Variants in STOX1 observed in about 807,000 individuals in gnomAD.
The protein encoded by STOX1 is storkhead-box protein 1.
A neutral mutation model predicts 74.8 loss-of-function variants in STOX1; 57 were observed. That is an observed-to-expected ratio of 0.76 (90% CI 0.62 to 0.95). The LOEUF is 0.95. STOX1 is among the 40% of genes least tolerant of loss of function. The probability of loss-of-function intolerance (pLI) is 0.00; values close to 1 mark genes in which losing one functional copy is unlikely to be tolerated. For synonymous variants in STOX1, 375 were observed against 401.3 expected (o/e 0.93, Z 0.78); for missense variants, 1,010 against 1,117.0 (o/e 0.90, Z 1.37).
chr10:68,855,753 G>GA (rs71474448), intron 1 of STOX1, among the ~76,000 whole-genome samples: 6,770 of 143,178 alleles, frequency 0.047, 227 homozygotes, highest in African/African-American at 0.087. Context: ...CTAAAAAAAG[G>GA]AAAAAAAAAA....
intron 3 of STOX1, among the ~76,000 whole-genome samples, chr10:68,887,687 G>A (rs1169809050): frequency 5.3e-5 from 8 of 150,714 alleles, no homozygotes; most frequent in East Asian, 1.9e-4. Context: ...TCCGCCTCCC[G>A]GGTTCAAGCA....
At chr10:68,873,463 G>C (rs1055704959) in intron 1 of STOX1, among the ~76,000 whole-genome samples, 2 of 149,414 alleles carry the variant, frequency 1.3e-5, no homozygotes, top group African/African-American at 4.9e-5. Context: ...GGGTTTCACC[G>C]TGTTAGCCAG....
chr10:68,829,196 C>T (rs923207168), intron 1 of STOX1, among the ~76,000 whole-genome samples: 1 of 152,224 alleles, frequency 6.6e-6, no homozygotes, highest in African/African-American at 2.4e-5. Flanking sequence ...TTTGTTTGGC[C>T]AGGCGCGGTG....
intron 1 of STOX1, among the ~76,000 whole-genome samples, chr10:68,843,626 T>C (rs1839751321): frequency 6.6e-6 from 1 of 152,040 alleles, no homozygotes; most frequent in Non-Finnish European, 1.5e-5. Context: ...CTGCAACCTC[T>C]GCCTCCCTGC....
At chr10:68,879,062 T>A (rs940208425) in intron 1 of STOX1, among the ~76,000 whole-genome samples, 1 of 152,136 alleles carries the variant, frequency 6.6e-6, no homozygotes, top group Non-Finnish European at 1.5e-5. Context: ...GTTAGCAAGA[T>A]CTACTGGTGA....
chr10:68,827,728 G>GGTGTTCCGCGCTTTCCGTCGCGCC lies in STOX1; in HGVS notation c.106_129dup (p.Val36_Ala43dup). On this transcript the variant is annotated inframe_insertion, in exon 1 of 4. Coordinates refer to ENST00000298596, the MANE Select transcript of STOX1 (RefSeq NM_152709.5). ...CCGCGGAGGAGCCTGGTGGGCGCGC[G>GGTGTTCCGCGCTTTCCGTCGCGCC]GTGTTCCGCGCTTTCCGTCGCGCCA... 1 of 859,300 alleles carries GGTGTTCCGCGCTTTCCGTCGCGCC rather than the reference G, an allele frequency of 1.2e-6. No individual in the cohort carries two copies. The allele number at this position is 859,300 out of a possible 1,614,324, so 53.2% of individuals were successfully genotyped here.
At chr10:68,840,413 C>T (rs1474760869) in intron 1 of STOX1, among the ~76,000 whole-genome samples, 2 of 152,036 alleles carry the variant, frequency 1.3e-5, no homozygotes, top group African/African-American at 4.8e-5. Context: ...GGGTTATGAG[C>T]CTGGCTAATT....
At position 68,884,908 on chromosome 10, in the gene STOX1, T is replaced by C; in HGVS notation, c.1112T>C (p.Val371Ala). ...IIKRINPILT[V>A]DNLIKHTVLM... ...AAACGAATTAACCCCATTTTGACTG[T>C]TGACAATTTAATCAAACACACTGTC... Residue 371 changes from valine to alanine, a missense_variant, in exon 3 of 4, where the codon GTT (valine) becomes GCT (alanine). Transcript: ENST00000298596. 3 of 1,614,100 alleles carry C rather than the reference T, an allele frequency of 1.9e-6. No homozygotes were observed. Among genetic ancestry groups the C allele is most frequent in the Admixed American group, 1.7e-5 (1 of 59,986 alleles).
At chr10:68,828,168 T>G (rs866057147) in intron 1 of STOX1, 5 of 618,126 alleles carry the variant, frequency 8.1e-6, no homozygotes, top group South Asian at 8.0e-5. Context: ...CGGCGGGGGG[T>G]GCTGCTGGTG....
chr10:68,851,398 ATATAAT>A lies in STOX1; in HGVS notation c.310+23469_310+23474del, dbSNP rs1302861536. The stretch of plus-strand genomic sequence containing the variant: ...TAATTGTGTTTTAATTCACTTTCTA[ATATAAT>A]TATGATCCAATTGTGGTAGTAAAAA... On this transcript the variant is annotated intron_variant, in intron 1 of 3. Coordinates refer to ENST00000298596, the MANE Select transcript of STOX1 (RefSeq NM_152709.5). Among the ~76,000 whole-genome samples the A allele has an allele frequency of 5.3e-5, 8 of 152,230 alleles. 1 individual carries two copies. The South Asian group carries it at 8.3e-4, about 16-fold the overall frequency.
chr10:68,852,286 C>T (rs1358236184), intron 1 of STOX1, among the ~76,000 whole-genome samples: 2 of 124,296 alleles, frequency 1.6e-5, no homozygotes, highest in East Asian at 2.6e-4. Context: ...GAGTCTCGCT[C>T]TGTCGCCCAG....
In STOX1 at chr10:68,886,456, G is replaced by A; in HGVS notation, c.2660G>A (p.Ser887Asn). The change falls in exon 3 of 4, where the codon AGT becomes AAT. Residue 887 changes from serine to asparagine, a missense_variant. Transcript: ENST00000298596. ...TGKKPASWSQ[S>N]PQNQEMRKHF... Reference sequence around the variant, plus strand: ...AAGAAGCCAGCTAGCTGGAGTCAGAGTCCTCAGAATCAGGAAATGAGAAAA... The same window carrying A: ...AAGAAGCCAGCTAGCTGGAGTCAGAATCCTCAGAATCAGGAAATGAGAAAA... 1 of 1,614,150 alleles carries A rather than the reference G, an allele frequency of 6.2e-7. No individual in the cohort carries two copies. Among genetic ancestry groups the A allele is most frequent in the Non-Finnish European group, 8.5e-7 (1 of 1,180,038 alleles).
At position 68,884,353 on chromosome 10, in the gene STOX1, T is replaced by G. The variant is rs778194886; in HGVS notation, c.557T>G (p.Ile186Arg). The G allele has an allele frequency of 7.4e-6, 12 of 1,614,032 alleles. No homozygotes were observed. Among genetic ancestry groups the G allele is most frequent in the Non-Finnish European group, 1.0e-5 (12 of 1,179,994 alleles). Residue 186 changes from isoleucine (I) to arginine (R), a missense_variant, in exon 3 of 4, where the codon ATA (isoleucine) becomes AGA (arginine). Ile to Arg is a moderately conservative substitution (Grantham distance 97). Coordinates refer to ENST00000298596, the MANE Select transcript of STOX1 (RefSeq NM_152709.5). Reference protein sequence around the residue: ...KIYHTGEGYFIVTPQTYFITN... With the variant: ...KIYHTGEGYFRVTPQTYFITN... ...TATCACACTGGAGAAGGATACTTCA[T>G]AGTTACTCCTCAGACTTACTTCATT... is the stretch of plus-strand genomic sequence containing the variant.
intron 1 of STOX1, chr10:68,828,313 T>C (rs1255704490): frequency 1.8e-6 from 2 of 1,133,456 alleles, no homozygotes; most frequent in Non-Finnish European, 2.2e-6. Flanking sequence ...GCGCCAGCTG[T>C]GAGCGCGGAG....
chr10:68,833,540 A>T (rs1324967659), intron 1 of STOX1, among the ~76,000 whole-genome samples: 1 of 152,152 alleles, frequency 6.6e-6, no homozygotes, highest in Non-Finnish European at 1.5e-5. Context: ...GTCATGATCA[A>T]TTGAACAAGC....
Position 68,827,555 on chromosome 10 carries a change from G to A in STOX1, c.-69G>A. 9.8e-7 allele frequency: 1 copy of A among 1,025,590 alleles called. No individual in the cohort carries two copies. Among genetic ancestry groups the A allele is most frequent in the African/African-American group, 1.7e-5 (1 of 58,294 alleles). The allele number at this position is 1,025,590 out of a possible 1,614,324, so 63.5% of individuals were successfully genotyped here. A position where few individuals can be genotyped will look rare whatever the true frequency, so the allele number is the denominator to read the frequency against. ...CGCAGTCGGCCGATCCTCCCGCCGAGCGAGCGGCGTCGTAGCCGCCGCGCT... is the reference window on the plus strand; with the variant it reads ...CGCAGTCGGCCGATCCTCCCGCCGAACGAGCGGCGTCGTAGCCGCCGCGCT... On this transcript the variant is annotated 5_prime_UTR_variant, in exon 1 of 4. Coordinates refer to ENST00000298596, the MANE Select transcript of STOX1 (RefSeq NM_152709.5).
chr10:68,829,925 T>G (rs899063457), intron 1 of STOX1, among the ~76,000 whole-genome samples: 2 of 152,138 alleles, frequency 1.3e-5, no homozygotes, highest in African/African-American at 4.8e-5. Flanking sequence ...CATCCTCAGT[T>G]TTTCTGGTTT....
chr10:68,838,691 A>G (rs997088510), intron 1 of STOX1, among the ~76,000 whole-genome samples: 1 of 152,128 alleles, frequency 6.6e-6, no homozygotes, highest in East Asian at 1.9e-4. Context: ...CAGGCAGATC[A>G]TGAGGTCAGG....
At chr10:68,835,410 ACTC>A (rs1030299892) in intron 1 of STOX1, among the ~76,000 whole-genome samples, 1 of 151,010 alleles carries the variant, frequency 6.6e-6, no homozygotes, top group African/African-American at 2.4e-5. Context: ...GAAGCCTTGA[ACTC>A]CTGGGCTAAA....
Sources: allele counts gnomAD v4.1 joint callset (sites outside exome capture counted in the v4.1 genomes callset), GRCh38; gene constraint gnomAD v4.1.1; transcripts MANE v1.5; gene names NCBI Gene and HGNC (gene_info 2026-07-23, HGNC 2026-07-21).